ANKMY1: variants seen among roughly 807,000 people sequenced by gnomAD.
ANKMY1 encodes ankyrin repeat and MYND domain-containing protein 1.
Under a neutral mutation model 102.0 loss-of-function variants are expected in ANKMY1, and 98 were observed. The ratio of observed to expected loss-of-function variants is 0.96; its 90% confidence interval spans 0.82 to 1.14. The LOEUF (loss-of-function observed/expected upper bound fraction) is 1.14, where lower values mean the gene tolerates loss of function less well. Ranked by LOEUF, ANKMY1 falls within the 50% of genes most tolerant of loss-of-function variation. ANKMY1 has a pLI of 0.00. For synonymous variants in ANKMY1, 582 were observed against 559.9 expected (o/e 1.04, Z -0.56); for missense variants, 1,330 against 1,347.6 (o/e 0.99, Z 0.20).
Position 240,500,558 on chromosome 2 carries a change from C to T in ANKMY1, c.2534G>A (p.Arg845Gln), listed in dbSNP as rs537610242. Residue 845 changes from arginine to glutamine, a missense_variant, in exon 14 of 18, where the codon CGA (arginine) becomes CAA (glutamine). Transcript: ENST00000401804. ...NMDSKLALIDRLISHGADILK... is the reference protein window; with the variant it reads ...NMDSKLALIDQLISHGADILK... ...GATGTCGGCCCCGTGACTGATGAGT[C>T]GGTCAATCTGTGGAGAACAGAACCA... The T allele has an allele frequency of 5.6e-6, 9 of 1,613,944 alleles. No individual in the cohort carries two copies. Among genetic ancestry groups the T allele is most frequent in the South Asian group, 4.4e-5 (4 of 91,058 alleles).
At chr2:240,485,932 C>G (rs1212203876) in intron 15 of ANKMY1, among the ~76,000 whole-genome samples, 2 of 152,276 alleles carry the variant, frequency 1.3e-5, no homozygotes, top group East Asian at 3.9e-4. Flanking sequence ...AGCTTCAGAC[C>G]TATACTAACA....
At chr2:240,541,415 C>T (rs933732546) in intron 4 of ANKMY1, among the ~76,000 whole-genome samples, 13 of 151,484 alleles carry the variant, frequency 8.6e-5, no homozygotes, top group African/African-American at 2.7e-4. Flanking sequence ...TTTTGTAATA[C>T]TTTTTGGCCC....
At chr2:240,483,242 C>T (rs1389170606) in intron 15 of ANKMY1, among the ~76,000 whole-genome samples, 10 of 152,140 alleles carry the variant, frequency 6.6e-5, no homozygotes, top group South Asian at 4.2e-4. Flanking sequence ...CTGCAACCTT[C>T]GCCTCCTAGG....
At chr2:240,559,445 T>G (rs1381936234), upstream of ANKMY1, among the ~76,000 whole-genome samples, 1 of 152,160 alleles carries the variant, frequency 6.6e-6, no homozygotes, top group Non-Finnish European at 1.5e-5. Flanking sequence ...TCCAAAGTGC[T>G]CTCTCCTTCA....
intron 11 of ANKMY1, among the ~76,000 whole-genome samples, chr2:240,509,907 C>A (rs2079808643): frequency 6.6e-6 from 1 of 151,910 alleles, no homozygotes; most frequent in East Asian, 1.9e-4. Context: ...ACTCTCTGCA[C>A]CAGGAGGGCA....
Position 240,520,478 on chromosome 2 carries a change from T to TG in ANKMY1, c.1887dup (p.Asn630GlnfsTer99). ...ACCTGCATGGGCACGCAGCACAGGT[T>TG]GGGGTCCGCGCCCCGGCGCAGCAGC... On this transcript the variant is annotated frameshift_variant, in exon 9 of 18. Transcript: ENST00000401804. LOFTEE classifies it high-confidence loss of function. The surrounding 1 kb of genome is among the most constrained non-coding windows in gnomAD (Gnocchi z 4.8). 1 of 1,613,362 alleles carries TG rather than the reference T, an allele frequency of 6.2e-7. No individual in the cohort carries two copies.
chr2:240,509,350 G>C lies in ANKMY1; in HGVS notation c.2392C>G (p.Leu798Val). The C allele has an allele frequency of 6.2e-7, 1 of 1,612,058 alleles. No individual in the cohort carries two copies. Among genetic ancestry groups the C allele is most frequent in the Non-Finnish European group, 8.5e-7 (1 of 1,178,666 alleles). The change falls in exon 12 of 18, where the codon CTG becomes GTG. Residue 798 changes from leucine (L) to valine (V), a missense_variant and splice_region_variant. Leu to Val is a conservative substitution (Grantham distance 32). Transcript: ENST00000401804. ...CTGTGGGTACAGAACATGCTCACCAGCTCATTCCCACTGGCAATGGACAGG... is the reference window on the plus strand; with the variant it reads ...CTGTGGGTACAGAACATGCTCACCACCTCATTCCCACTGGCAATGGACAGG... ...LSLSIASGNE[L>V]VVKELLTQGA...
chr2:240,498,287 T>TGG (rs1353828850), intron 15 of ANKMY1, among the ~76,000 whole-genome samples: 1 of 5,500 alleles, frequency 1.8e-4, no homozygotes, highest in Non-Finnish European at 3.1e-4. Context: ...GGGCAGGTGT[T>TGG]GGGGGTGGGG....
chr2:240,508,402 G>A (rs2079483605), intron 12 of ANKMY1, among the ~76,000 whole-genome samples: 1 of 152,250 alleles, frequency 6.6e-6, no homozygotes, highest in African/African-American at 2.4e-5. Context: ...CAGAGGTGCT[G>A]GCCTCTGCAG....
intron 16 of ANKMY1, 87 bp from the exon 17 acceptor site, chr2:240,481,184 C>T: frequency 7.9e-6 from 12 of 1,512,464 alleles, no homozygotes; most frequent in Non-Finnish European, 8.9e-6. Context: ...GTGCCTGGCC[C>T]TGAGCTCCTG....
downstream of ANKMY1, among the ~76,000 whole-genome samples, chr2:240,478,582 C>T (rs1457006637): frequency 6.6e-6 from 1 of 152,132 alleles, no homozygotes; most frequent in Non-Finnish European, 1.5e-5. Flanking sequence ...GTCCCTGCGT[C>T]CGTTGGGAGC....
At chr2:240,533,777 C>T (rs935838009) in intron 4 of ANKMY1, among the ~76,000 whole-genome samples, 1 of 150,254 alleles carries the variant, frequency 6.7e-6, no homozygotes, top group African/African-American at 2.5e-5. Context: ...TAGAGTGATG[C>T]GTCATGAAAA....
intron 15 of ANKMY1, among the ~76,000 whole-genome samples, chr2:240,493,827 T>G (rs2076921282): frequency 6.6e-6 from 1 of 152,198 alleles, no homozygotes; most frequent in African/African-American, 2.4e-5. Context: ...GGGCTCCAAA[T>G]GGCTTGTTTA....
intron 7 of ANKMY1, among the ~76,000 whole-genome samples, chr2:240,524,897 C>T (rs141786315): frequency 1.8e-3 from 267 of 152,272 alleles, no homozygotes; most frequent in African/African-American, 6.4e-3. Flanking sequence ...GCCATGGTTC[C>T]CAAAGTGTGG....
chr2:240,526,293 T>C lies in ANKMY1; in HGVS notation c.1106A>G (p.Lys369Arg). Reference protein sequence around the residue: ...GNHEWICRILKDNFASADVAD... With the variant: ...GNHEWICRILRDNFASADVAD... ...CACGTCAGCACTAGCAAAGTTGTCC[T>C]TCAGGATCCTACAAATCCATTCGTG... Residue 369 changes from lysine to arginine, a missense_variant, in exon 6 of 18, where the codon AAG becomes AGG. Transcript: ENST00000401804. 6.2e-7 allele frequency: 1 copy of C among 1,614,206 alleles called. No individual in the cohort carries two copies. The highest frequency in any genetic ancestry group is 8.5e-7 in the Non-Finnish European group (1 of 1,180,034).
rs767595718 is a variant in ANKMY1, at chr2:240,552,952, C to CT, written c.441dup (p.Gly148ArgfsTer62). The CT allele has an allele frequency of 9.9e-6, 16 of 1,613,936 alleles. No individual in the cohort carries two copies. In the African/African-American group the frequency reaches 2.0e-4, roughly 20 times the overall value. On this transcript the variant is annotated frameshift_variant, in exon 4 of 18. Coordinates refer to ENST00000401804, the MANE Select transcript of ANKMY1 (RefSeq NM_001282771.3). LOFTEE classifies it high-confidence loss of function. Reference sequence around the variant, plus strand: ...GTCTTCATGTACATGGTGCCGTAGCCTTCTCGGTGGCTGAGGTAAAATGTG... The same window carrying CT: ...GTCTTCATGTACATGGTGCCGTAGCCTTTCTCGGTGGCTGAGGTAAAATGTG...
chr2:240,479,324 C>T, downstream of ANKMY1: 1 of 516,190 alleles, frequency 1.9e-6, no homozygotes, highest in Non-Finnish European at 3.5e-6. Flanking sequence ...GGCCATGCCC[C>T]ATGGGAGGCC....
intron 4 of ANKMY1, among the ~76,000 whole-genome samples, chr2:240,530,424 C>T (rs190054424): frequency 2.0e-5 from 3 of 152,280 alleles, no homozygotes; most frequent in African/African-American, 7.2e-5. Flanking sequence ...AGGGCATTCT[C>T]ACGAGATCTG....
At chr2:240,544,038 T>C (rs958738220) in intron 4 of ANKMY1, among the ~76,000 whole-genome samples, 1 of 152,208 alleles carries the variant, frequency 6.6e-6, no homozygotes, top group Non-Finnish European at 1.5e-5. Flanking sequence ...AGAATAATTT[T>C]GTCCAACTTA....
Sources: gnomAD v4.1 joint callset for allele counts (sites outside exome capture counted in the v4.1 genomes callset) on GRCh38, gnomAD v4.1.1 for gene constraint, Gnocchi (gnomAD v3.1) non-coding constraint, MANE v1.5 for transcripts, NCBI Gene and HGNC (gene_info 2026-07-23, HGNC 2026-07-21) for gene names.